Variants in PCAT7 observed in about 807,000 individuals in gnomAD.
PCAT7 encodes prostate cancer associated transcript 7.
chr9:94,561,612 G>A (rs533126699), intron 2 of PCAT7, among the ~76,000 whole-genome samples: 3 of 152,092 alleles, frequency 2.0e-5, no homozygotes, highest in African/African-American at 4.8e-5. Flanking sequence ...TGATCCACCC[G>A]CCTTGGCCTC....
chr9:94,559,274 G>T, intron 2 of PCAT7: 1 of 698,442 alleles, frequency 1.4e-6, no homozygotes, highest in Non-Finnish European at 2.3e-6. Flanking sequence ...GCAAGAGTGG[G>T]CCCGAGCTTT....
At chr9:94,571,829 C>T (rs539671134) in intron 2 of PCAT7, among the ~76,000 whole-genome samples, 6 of 152,200 alleles carry the variant, frequency 3.9e-5, no homozygotes, top group African/African-American at 4.8e-5. Flanking sequence ...GTTTTCCAAA[C>T]GCATGTGTCT....
rs541509845 is a variant in PCAT7 at position 94,559,128 on chromosome 9, C to T, written n.417C>T. The T allele has an allele frequency of 1.6e-4, 251 of 1,609,680 alleles. 2 individuals carry two copies. The East Asian group carries it at 3.0e-3, about 19-fold the overall frequency. ...CACGGGATTGCATTCATACAGGAGC[C>T]GGAGCTGTGGAGGAACAGAGGCAGG... On this transcript the variant is annotated non_coding_transcript_exon_variant, in exon 2 of 9. Transcript: ENST00000647389.
upstream of PCAT7, among the ~76,000 whole-genome samples, chr9:94,554,707 G>C (rs2131432571): frequency 6.6e-6 from 1 of 152,334 alleles, no homozygotes; most frequent in Admixed American, 6.5e-5. Context: ...AGCCCGGCAG[G>C]AGAAGCTCTC....
chr9:94,563,264 C>T lies in PCAT7; in HGVS notation n.441+4112C>T, dbSNP rs944213371. 6 of 1,522,558 alleles carry T rather than the reference C, an allele frequency of 3.9e-6. No homozygotes were observed. The Admixed American group carries it at 1.1e-4, about 29-fold the overall frequency. The allele number at this position is 1,522,558 out of a possible 1,614,324, so 94.3% of individuals were successfully genotyped here. A position where few individuals can be genotyped will look rare whatever the true frequency, so the allele number is the denominator to read the frequency against. ...GACATGCCATGAAGCAGTGCAGTAGCCAAACAGCAGGTGTGACGGGAGGGA... is the reference window on the plus strand; with the variant it reads ...GACATGCCATGAAGCAGTGCAGTAGTCAAACAGCAGGTGTGACGGGAGGGA... On this transcript the variant is annotated intron_variant and non_coding_transcript_variant, in intron 2 of 8. Coordinates refer to ENST00000647389, the Ensembl canonical transcript of PCAT7.
chr9:94,568,127 CA>C (rs34691750), intron 2 of PCAT7: 19 of 140,782 alleles, frequency 1.3e-4, no homozygotes, highest in South Asian at 2.3e-4. Context: ...GACTCCATCT[CA>C]AAAAAAAAAA....
At chr9:94,574,586 T>C (rs1477299397) in intron 3 of PCAT7, among the ~76,000 whole-genome samples, 4 of 152,194 alleles carry the variant, frequency 2.6e-5, no homozygotes, top group Non-Finnish European at 2.9e-5. Context: ...TCGATTGTCA[T>C]TGCCTTCTTA....
chr9:94,555,527 T>G, intron 1 of PCAT7, among the ~76,000 whole-genome samples: 2 of 142,198 alleles, frequency 1.4e-5, no homozygotes, highest in Admixed American at 7.0e-5. Context: ...GGTAGAAAGT[T>G]TATGGGTGGA....
chr9:94,569,461 C>T (rs1418755774), intron 2 of PCAT7: 1 of 152,244 alleles, frequency 6.6e-6, no homozygotes, highest in Non-Finnish European at 1.5e-5. Flanking sequence ...AACAGTGGCA[C>T]TCACTCACCA....
chr9:94,574,214 G>A (rs1827295417), intron 3 of PCAT7, among the ~76,000 whole-genome samples: 1 of 151,870 alleles, frequency 6.6e-6, no homozygotes, highest in Non-Finnish European at 1.5e-5. Flanking sequence ...TAAATAATTG[G>A]GTAAAAATCT....
intron 1 of PCAT7, among the ~76,000 whole-genome samples, chr9:94,557,446 C>T (rs1171977175): frequency 6.6e-6 from 1 of 152,020 alleles, no homozygotes; most frequent in Non-Finnish European, 1.5e-5. Context: ...ATCTTTGTTC[C>T]TTTTTGAGAA....
rs571105998 is a variant in PCAT7, at chr9:94,558,306, AT to A, written n.258-656del. 8.0e-4 allele frequency among the ~76,000 whole-genome samples: 122 copies of A among 152,128 alleles called. 3 individuals carry two copies. The East Asian group carries it at 0.02, about 25-fold the overall frequency. ...CCAATCAAGACAATTTTTATTTTTT[AT>A]TTTTTTAGATGGAATCTCACTCTGT... On this transcript the variant is annotated intron_variant and non_coding_transcript_variant, in intron 1 of 8. Transcript: ENST00000647389.
chr9:94,554,896 CCG>C (rs1826982882), upstream of PCAT7, among the ~76,000 whole-genome samples: 1 of 152,180 alleles, frequency 6.6e-6, no homozygotes, highest in Non-Finnish European at 1.5e-5. Flanking sequence ...AAATGACGCG[CCG>C]CTGCCTCAGC....
At chr9:94,565,200 C>T (rs1350417544) in intron 2 of PCAT7, among the ~76,000 whole-genome samples, 2 of 151,954 alleles carry the variant, frequency 1.3e-5, no homozygotes, top group Non-Finnish European at 2.9e-5. Context: ...ATGGTGAAAT[C>T]CCATCTCTAC....
At chr9:94,570,602 A>G (rs1827258463) in intron 2 of PCAT7, 1 of 152,234 alleles carries the variant, frequency 6.6e-6, no homozygotes, top group Admixed American at 6.5e-5. Flanking sequence ...TTTGCAAGCC[A>G]TAGAATTTCT....
At chr9:94,563,633 GCTC>G (rs1334842429) in intron 2 of PCAT7, among the ~76,000 whole-genome samples, 4 of 152,170 alleles carry the variant, frequency 2.6e-5, no homozygotes, top group Non-Finnish European at 5.9e-5. Flanking sequence ...TTTATTATGA[GCTC>G]CTCAAACCTT....
chr9:94,568,020 CGGG>C (rs1162882893), intron 2 of PCAT7: 1 of 151,208 alleles, frequency 6.6e-6, no homozygotes, highest in Non-Finnish European at 1.5e-5. Flanking sequence ...CCCAGCTACT[CGGG>C]GGGCTGAGGC....
chr9:94,567,289 T>A, intron 2 of PCAT7: 1 of 1,614,212 alleles, frequency 6.2e-7, no homozygotes, highest in Non-Finnish European at 8.5e-7. Flanking sequence ...TTTCTTTTTC[T>A]GCACATATTC....
intron 2 of PCAT7, chr9:94,567,134 T>TC (rs11370106): frequency 0.45 from 352,198 of 774,652 alleles, 83,541 homozygotes; most frequent in East Asian, 0.62. Flanking sequence ...AAAGGCAGAG[T>TC]CCATCATCTT....
Sources: gnomAD v4.1 joint callset for allele counts (sites outside exome capture counted in the v4.1 genomes callset) on GRCh38, gnomAD v4.1.1 for gene constraint, MANE v1.5 for transcripts, NCBI Gene and HGNC (gene_info 2026-07-23, HGNC 2026-07-21) for gene names.